The following SPIDR variants were observed in gnomAD, a reference collection of about 807,000 sequenced individuals.
The protein encoded by SPIDR is DNA repair-scaffolding protein.
Under a neutral mutation model 104.6 loss-of-function variants are expected in SPIDR, and 93 were observed. That is an observed-to-expected ratio of 0.89 (90% CI 0.75 to 1.06). The LOEUF (loss-of-function observed/expected upper bound fraction) is 1.06, where lower values mean the gene tolerates loss of function less well. Among genes scored for constraint, SPIDR ranks in the 50% least tolerant of loss-of-function variants. SPIDR has a pLI of 0.00. For missense variants in SPIDR, 1,154 were observed against 1,111.2 expected (o/e 1.04, Z -0.55); for synonymous variants, 431 against 416.9 (o/e 1.03, Z -0.41).
intron 11 of SPIDR, among the ~76,000 whole-genome samples, chr8:47,690,819 A>C (rs1303605416): frequency 1.3e-5 from 2 of 152,210 alleles, no homozygotes. Context: ...ATTCCATCTC[A>C]AAAAATAAAT....
In SPIDR at chr8:47,291,093, G is replaced by T; in HGVS notation, c.317G>T (p.Ser106Ile). 1 of 1,613,352 alleles carries T rather than the reference G, an allele frequency of 6.2e-7. No individual in the cohort carries two copies. The part of the protein sequence containing the change: ...LTDITWSSSG[S>I]DLSDEDKTLS... ...GACATAACATGGAGCTCCAGTGGAA[G>T]TGATTTGTCGGATGAAGATAAGACA... The change falls in exon 4 of 20, where the codon AGT becomes ATT. Residue 106 changes from serine to isoleucine, a missense_variant. By Grantham distance (142) the Ser-to-Ile change is moderately radical (BLOSUM62 -2). Transcript: ENST00000297423.
At chr8:47,312,023 T>C (rs1415177407) in intron 5 of SPIDR, among the ~76,000 whole-genome samples, 1 of 152,176 alleles carries the variant, frequency 6.6e-6, no homozygotes, top group South Asian at 2.1e-4. Flanking sequence ...TCCAGTTTGA[T>C]CCATGTCCCT....
chr8:47,733,094 A>G (rs1350308442), intron 19 of SPIDR, among the ~76,000 whole-genome samples: 2 of 152,196 alleles, frequency 1.3e-5, no homozygotes, highest in Admixed American at 6.5e-5. Flanking sequence ...CCCACACATA[A>G]AAGATTTATT....
intron 9 of SPIDR, among the ~76,000 whole-genome samples, chr8:47,598,369 T>G (rs1181184773): frequency 6.6e-6 from 1 of 152,140 alleles, no homozygotes; most frequent in Non-Finnish European, 1.5e-5. Flanking sequence ...CTTGGGTGAT[T>G]GTGTGAGGGT....
At chr8:47,500,250 G>C (rs1339377524) in intron 8 of SPIDR, among the ~76,000 whole-genome samples, 4 of 152,138 alleles carry the variant, frequency 2.6e-5, no homozygotes, top group South Asian at 2.1e-4. Flanking sequence ...CTAGTTTACA[G>C]TCCCACCAAC....
intron 5 of SPIDR, among the ~76,000 whole-genome samples, chr8:47,299,119 T>G (rs1451742922): frequency 6.6e-6 from 1 of 152,340 alleles, no homozygotes; most frequent in South Asian, 2.1e-4. Flanking sequence ...TTGTATCCTC[T>G]TTTATTTCAT....
At chr8:47,283,385 C>A (rs1337307261) in intron 2 of SPIDR, among the ~76,000 whole-genome samples, 2 of 152,094 alleles carry the variant, frequency 1.3e-5, no homozygotes, top group African/African-American at 2.4e-5. Flanking sequence ...GACTGTGGCA[C>A]CCCAAATCAG....
At chr8:47,643,994 CAG>C (rs2069721363) in intron 10 of SPIDR, among the ~76,000 whole-genome samples, 1 of 152,162 alleles carries the variant, frequency 6.6e-6, no homozygotes, top group East Asian at 1.9e-4. Context: ...ACAGTATCAA[CAG>C]AGGCTTCGAG....
chr8:47,571,424 T>C (rs1406782177), intron 8 of SPIDR, among the ~76,000 whole-genome samples: 1 of 152,142 alleles, frequency 6.6e-6, no homozygotes, highest in East Asian at 1.9e-4. Flanking sequence ...CCAATTTTAT[T>C]TCAATAAAGC....
intron 8 of SPIDR, among the ~76,000 whole-genome samples, chr8:47,519,019 TAA>T (rs2083596789): frequency 6.6e-6 from 1 of 152,236 alleles, no homozygotes; most frequent in Admixed American, 6.5e-5. Flanking sequence ...AGCCAAGCTC[TAA>T]GATTCCTGTA....
Position 47,453,066 on chromosome 8 carries a change from T to C in SPIDR, c.1097+12524T>C, listed in dbSNP as rs550257829. Among the ~76,000 whole-genome samples, 38 of 152,056 alleles carry C rather than the reference T, an allele frequency of 2.5e-4. No individual in the cohort carries two copies. In the South Asian group the frequency reaches 7.7e-3, roughly 31 times the overall value. On this transcript the variant is annotated intron_variant, in intron 8 of 19. Transcript: ENST00000297423. The stretch of plus-strand genomic sequence containing the variant: ...AATCACAAGCATTCTTATACACCAA[T>C]AACAGACAAACAGAGAGCCAAATCA...
chr8:47,592,267 T>C, intron 8 of SPIDR: 1 of 1,215,260 alleles, frequency 8.2e-7, no homozygotes, highest in Admixed American at 1.7e-5. Flanking sequence ...TGGGAGCACA[T>C]AACAAGGCCT....
chr8:47,440,298 CT>C (rs782321788), intron 7 of SPIDR, 24 bp from the exon 8 acceptor site: 46 of 1,599,226 alleles, frequency 2.9e-5, no homozygotes, highest in Non-Finnish European at 3.8e-5. Context: ...TTCATTTTTG[CT>C]TTGTTCTTTT....
chr8:47,685,458 A>T (rs922352037), intron 11 of SPIDR, among the ~76,000 whole-genome samples: 17 of 150,440 alleles, frequency 1.1e-4, no homozygotes, highest in Non-Finnish European at 1.9e-4. Context: ...ATAATTATCT[A>T]CCAGTAGGAG....
intron 7 of SPIDR, among the ~76,000 whole-genome samples, chr8:47,416,363 A>G (rs1432367029): frequency 6.6e-6 from 1 of 152,112 alleles, no homozygotes; most frequent in African/African-American, 2.4e-5. Flanking sequence ...TCAATAACCC[A>G]CTCCGTATTG....
chr8:47,482,421 G>A (rs1010333392), intron 8 of SPIDR, among the ~76,000 whole-genome samples: 1 of 152,018 alleles, frequency 6.6e-6, no homozygotes, highest in Non-Finnish European at 1.5e-5. Context: ...GCTACAGAGC[G>A]AGGCCCTGTC....
At chr8:47,584,102 T>C (rs2060021935) in intron 8 of SPIDR, among the ~76,000 whole-genome samples, 1 of 152,206 alleles carries the variant, frequency 6.6e-6, no homozygotes, top group Non-Finnish European at 1.5e-5. Flanking sequence ...TGTGCTATTA[T>C]GTGACTTGAT....
intron 8 of SPIDR, chr8:47,511,146 AG>A: frequency 1.3e-6 from 2 of 1,550,250 alleles, no homozygotes; most frequent in Admixed American, 1.7e-5. Context: ...AGCTGGTGGC[AG>A]CCATGGCTGG....
intron 10 of SPIDR, among the ~76,000 whole-genome samples, chr8:47,669,162 T>A (rs1347025116): frequency 6.6e-6 from 1 of 152,156 alleles, no homozygotes; most frequent in Non-Finnish European, 1.5e-5. Flanking sequence ...TTGTGTTCCA[T>A]TGAATATGAT....
Sources: allele counts gnomAD v4.1 joint callset (sites outside exome capture counted in the v4.1 genomes callset), GRCh38; gene constraint gnomAD v4.1.1; transcripts MANE v1.5; gene names NCBI Gene and HGNC (gene_info 2026-07-23, HGNC 2026-07-21).